SLC9A9: variants seen among roughly 807,000 people sequenced by gnomAD.
SLC9A9 encodes the protein sodium/hydrogen exchanger 9.
In SLC9A9, 62 loss-of-function variants were observed where a neutral mutation model predicts 77.8. That is an observed-to-expected ratio of 0.80 (90% confidence interval 0.65 to 0.98). The LOEUF is 0.98. Ranked by LOEUF, SLC9A9 falls within the 50% of genes least tolerant of loss-of-function variation. The probability of loss-of-function intolerance (pLI) is 0.00; values close to 1 mark genes in which losing one functional copy is unlikely to be tolerated. For missense variants in SLC9A9, 775 were observed against 774.9 expected, an observed-to-expected ratio of 1.00 and a Z score of 0.00; for synonymous variants, 320 against 283.5, an observed-to-expected ratio of 1.13 and a Z score of -1.29.
intron 11 of SLC9A9, among the ~76,000 whole-genome samples, chr3:143,482,068 C>G (rs1317468729): frequency 6.6e-6 from 1 of 152,220 alleles, no homozygotes; most frequent in African/African-American, 2.4e-5. Context: ...GGCAGGGGCT[C>G]TTAAAAACTG....
At chr3:143,485,873 T>TA (rs951998734) in intron 11 of SLC9A9, among the ~76,000 whole-genome samples, 91 of 150,102 alleles carry the variant, frequency 6.1e-4, no homozygotes, top group African/African-American at 2.0e-3. Flanking sequence ...TTGAGAAAGT[T>TA]AAAAAAAAAG....
At chr3:143,835,123 T>C (rs2009536394) in intron 1 of SLC9A9, among the ~76,000 whole-genome samples, 1 of 152,202 alleles carries the variant, frequency 6.6e-6, no homozygotes, top group Admixed American at 6.5e-5. Flanking sequence ...CCAGCTTTCC[T>C]TCCTTCTCTC....
At chr3:143,736,222 C>T (rs894824638) in intron 4 of SLC9A9, among the ~76,000 whole-genome samples, 2 of 152,138 alleles carry the variant, frequency 1.3e-5, no homozygotes, top group Non-Finnish European at 1.5e-5. Flanking sequence ...CTCCCCTTGT[C>T]CCACATTCTT....
intron 12 of SLC9A9, among the ~76,000 whole-genome samples, chr3:143,444,701 G>C (rs1478993262): frequency 1.3e-5 from 2 of 152,170 alleles, no homozygotes. Context: ...CCTGCCACCA[G>C]GGGTGAAGGG....
intron 1 of SLC9A9, among the ~76,000 whole-genome samples, chr3:143,839,508 AC>A (rs2009653746): frequency 2.4e-4 from 1 of 4,230 alleles, no homozygotes; most frequent in Admixed American, 9.1e-3. Context: ...ACATACACAC[AC>A]ACACACACAC....
intron 13 of SLC9A9, among the ~76,000 whole-genome samples, chr3:143,379,518 A>C (rs2033254341): frequency 6.6e-6 from 1 of 152,256 alleles, no homozygotes; most frequent in South Asian, 2.1e-4. Flanking sequence ...ATCATGAATA[A>C]GAACACTTAC....
At chr3:143,363,630 G>T in intron 13 of SLC9A9, 67 bp from the exon 14 acceptor site, 1 of 1,381,728 alleles carries the variant, frequency 7.2e-7, no homozygotes, top group Non-Finnish European at 1.0e-6. Context: ...AAAAATACAT[G>T]TCAAACCAAG....
intron 12 of SLC9A9, among the ~76,000 whole-genome samples, chr3:143,459,827 C>A (rs1358035973): frequency 6.6e-6 from 1 of 151,966 alleles, no homozygotes; most frequent in Non-Finnish European, 1.5e-5. Context: ...CATAACATTG[C>A]ACCTGTTTCC....
At chr3:143,419,577 A>G (rs1472554394) in intron 12 of SLC9A9, among the ~76,000 whole-genome samples, 1 of 152,128 alleles carries the variant, frequency 6.6e-6, no homozygotes, top group Non-Finnish European at 1.5e-5. Flanking sequence ...AAGGATAAAA[A>G]TTACCAGTAC....
intron 14 of SLC9A9, chr3:143,344,482 T>A (rs1436112312): frequency 6.6e-6 from 1 of 152,190 alleles, no homozygotes; most frequent in Non-Finnish European, 1.5e-5. Flanking sequence ...GTTACAGATC[T>A]CTTAAAAAAT....
intron 4 of SLC9A9, among the ~76,000 whole-genome samples, chr3:143,763,765 A>T (rs1427340281): frequency 2.0e-5 from 3 of 151,956 alleles, no homozygotes; most frequent in Non-Finnish European, 4.4e-5. Flanking sequence ...AATATGGCTC[A>T]GGATCTCCAT....
chr3:143,775,114 A>G, intron 4 of SLC9A9, among the ~76,000 whole-genome samples: 1 of 152,228 alleles, frequency 6.6e-6, no homozygotes, highest in Non-Finnish European at 1.5e-5. Context: ...AAGGGGATCA[A>G]AAACCACATA....
chr3:143,522,052 C>T (rs1360099928), intron 9 of SLC9A9, among the ~76,000 whole-genome samples: 2 of 152,054 alleles, frequency 1.3e-5, no homozygotes, highest in Non-Finnish European at 2.9e-5. Context: ...GCCAGTTGTT[C>T]CAAGAATACT....
intron 5 of SLC9A9, among the ~76,000 whole-genome samples, chr3:143,662,154 G>A (rs546317333): frequency 1.3e-5 from 2 of 152,276 alleles, no homozygotes; most frequent in South Asian, 4.1e-4. Context: ...GTCAGGCAAG[G>A]AGAGAAAAAG....
At chr3:143,366,664 C>T (rs911908788) in intron 13 of SLC9A9, among the ~76,000 whole-genome samples, 1 of 152,144 alleles carries the variant, frequency 6.6e-6, no homozygotes, top group Admixed American at 6.5e-5. Flanking sequence ...ATTCTAAGTA[C>T]TTTTCATATA....
intron 12 of SLC9A9, among the ~76,000 whole-genome samples, chr3:143,421,315 C>A (rs1290832821): frequency 2.0e-5 from 3 of 152,068 alleles, no homozygotes; most frequent in Non-Finnish European, 4.4e-5. Context: ...CTAAAGCAAT[C>A]CTAGGCAAAA....
chr3:143,690,491 G>A (rs1453153296), intron 5 of SLC9A9, among the ~76,000 whole-genome samples: 1 of 152,120 alleles, frequency 6.6e-6, no homozygotes, highest in African/African-American at 2.4e-5. Flanking sequence ...TAGGTGGGGT[G>A]CAGGAAATAC....
chr3:143,418,580 GT>G (rs2034240532), intron 12 of SLC9A9, among the ~76,000 whole-genome samples: 1 of 152,134 alleles, frequency 6.6e-6, no homozygotes, highest in South Asian at 2.1e-4. Context: ...GTTGGTTTCT[GT>G]ATTCTTAAGT....
At chr3:143,681,522 T>C (rs1365030657) in intron 5 of SLC9A9, among the ~76,000 whole-genome samples, 4 of 152,250 alleles carry the variant, frequency 2.6e-5, no homozygotes, top group Non-Finnish European at 5.9e-5. Flanking sequence ...TATTTACTGA[T>C]AGTCTCCTCT....
Sources: allele counts gnomAD v4.1 joint callset (sites outside exome capture counted in the v4.1 genomes callset), GRCh38; gene constraint gnomAD v4.1.1; transcripts MANE v1.5; gene names NCBI Gene and HGNC (gene_info 2026-07-23, HGNC 2026-07-21).